Variants in BBS12 observed in about 807,000 individuals in gnomAD.
BBS12 encodes the protein chaperonin-containing T-complex member BBS12.
A neutral mutation model predicts 5.6 loss-of-function variants in BBS12; 5 were observed. The ratio of observed to expected loss-of-function variants is 0.89; its 90% confidence interval spans 0.46 to 1.86. The LOEUF (loss-of-function observed/expected upper bound fraction) is 1.86, where lower values mean the gene tolerates loss of function less well. BBS12 is among the 40% of genes most tolerant of loss of function. The pLI, the probability that BBS12 is intolerant of heterozygous loss-of-function variation, is 0.01. For missense variants in BBS12, 748 were observed against 830.4 expected (o/e 0.90, Z 1.22); for synonymous variants, 308 against 306.8 (o/e 1.00, Z -0.04).
At chr4:122,719,710 T>C in the BBS12 span, among the ~76,000 whole-genome samples, 66,306 of 152,004 alleles carry the variant, frequency 0.44, 16,082 homozygotes, top group East Asian at 0.65. Flanking sequence ...ACAGGATCTG[T>C]GAGAACAAAG....
At chr4:122,710,804 C>T in the BBS12 span, among the ~76,000 whole-genome samples, 3 of 151,780 alleles carry the variant, frequency 2.0e-5, no homozygotes, top group Non-Finnish European at 4.4e-5. Context: ...AAGGGGTTTT[C>T]CTCACCACTC....
chr4:122,704,459 A>G, the BBS12 span, among the ~76,000 whole-genome samples: 4 of 152,186 alleles, frequency 2.6e-5, no homozygotes, highest in Non-Finnish European at 4.4e-5. Flanking sequence ...ACTTCCTTGG[A>G]CCCTAGCTGG....
the BBS12 span, among the ~76,000 whole-genome samples, chr4:122,721,313 T>C: frequency 6.6e-6 from 1 of 152,316 alleles, no homozygotes; most frequent in South Asian, 2.1e-4. Flanking sequence ...GATTTGAATA[T>C]ATTTAGAAGT....
rs1800732215 is a variant in BBS12 at position 122,733,376 on chromosome 4, A to AACACGCACACAC, written c.-11+496_-11+497insGCACACACACAC. Among the ~76,000 whole-genome samples, 2 of 88,116 alleles carry AACACGCACACAC rather than the reference A, an allele frequency of 2.3e-5. 1 individual carries two copies. Among genetic ancestry groups the AACACGCACACAC allele is most frequent in the Non-Finnish European group, 4.4e-5 (2 of 45,768 alleles). 57.8% of individuals were successfully genotyped at this position (88,116 alleles called of 152,430 possible). On this transcript the variant is annotated intron_variant, in intron 1 of 1. Transcript: ENST00000314218. ...CTATCGGACCCCGCCCTCCAACCCCAACACACACACACACACACACACACA... is the reference window on the plus strand; with the variant it reads ...CTATCGGACCCCGCCCTCCAACCCCAACACGCACACACACACACACACACACACACACACACA...
chr4:122,715,991 G>A, the BBS12 span, among the ~76,000 whole-genome samples: 1 of 152,146 alleles, frequency 6.6e-6, no homozygotes, highest in South Asian at 2.1e-4. Flanking sequence ...ATTGGGGTTA[G>A]ACCAAATTCA....
At chr4:122,708,066 C>CA in the BBS12 span, among the ~76,000 whole-genome samples, 1 of 148,542 alleles carries the variant, frequency 6.7e-6, no homozygotes, top group Non-Finnish European at 1.5e-5. Flanking sequence ...GGCTGGAGTA[C>CA]AGCGGGGCAA....
At chr4:122,701,961 C>T in the BBS12 span, among the ~76,000 whole-genome samples, 108 of 152,222 alleles carry the variant, frequency 7.1e-4, no homozygotes, top group Non-Finnish European at 1.3e-3. Context: ...GCTTCCTGTC[C>T]GCTGAAAGGA....
chr4:122,711,649 T>C, the BBS12 span, among the ~76,000 whole-genome samples: 1 of 152,232 alleles, frequency 6.6e-6, no homozygotes, highest in African/African-American at 2.4e-5. Flanking sequence ...AATGCTGAAT[T>C]CTGGGACAGG....
chr4:122,732,189 G>A (rs1255532224), upstream of BBS12: 1 of 152,198 alleles, frequency 6.6e-6, no homozygotes, highest in Admixed American at 6.5e-5. Flanking sequence ...ATGGTAGTTA[G>A]ATGCCTGTAA....
the BBS12 span, among the ~76,000 whole-genome samples, chr4:122,702,915 T>C: frequency 1.3e-5 from 2 of 152,204 alleles, no homozygotes; most frequent in Non-Finnish European, 2.9e-5. Flanking sequence ...CAGGACTGAA[T>C]ATTATATAGG....
At chr4:122,740,065 C>T (rs1800842709) in intron 1 of BBS12, among the ~76,000 whole-genome samples, 2 of 151,988 alleles carry the variant, frequency 1.3e-5, no homozygotes, top group Admixed American at 1.3e-4. Flanking sequence ...GAGCCTGGTA[C>T]TTCAAGACCA....
intron 1 of BBS12, among the ~76,000 whole-genome samples, chr4:122,738,159 T>C (rs1253778981): frequency 1.3e-5 from 2 of 152,290 alleles, no homozygotes; most frequent in Admixed American, 6.5e-5. Context: ...AACAAAAAAA[T>C]AGGTAAATTA....
At chr4:122,718,770 T>C in the BBS12 span, among the ~76,000 whole-genome samples, 2 of 128,298 alleles carry the variant, frequency 1.6e-5, no homozygotes, top group Non-Finnish European at 3.4e-5. Context: ...AAAAAGGTCA[T>C]CCAAGCCCCA....
chr4:122,735,197 G>T (rs1800768121), intron 1 of BBS12, among the ~76,000 whole-genome samples: 1 of 152,182 alleles, frequency 6.6e-6, no homozygotes, highest in Admixed American at 6.5e-5. Flanking sequence ...GATAGGAAAT[G>T]AGGCATTTGC....
intron 1 of BBS12, among the ~76,000 whole-genome samples, chr4:122,736,960 G>A (rs1490649857): frequency 1.3e-5 from 2 of 152,112 alleles, no homozygotes; most frequent in Non-Finnish European, 2.9e-5. Context: ...GATTTGTCTT[G>A]AATATTGATT....
At chr4:122,702,703 C>G in the BBS12 span, among the ~76,000 whole-genome samples, 1 of 152,180 alleles carries the variant, frequency 6.6e-6, no homozygotes, top group African/African-American at 2.4e-5. Context: ...ATGTTAGCAC[C>G]TCCTCATCAG....
chr4:122,724,642 A>G, the BBS12 span, among the ~76,000 whole-genome samples: 1 of 152,174 alleles, frequency 6.6e-6, no homozygotes, highest in Admixed American at 6.5e-5. Context: ...TTGAGATGTA[A>G]GCACTCTATC....
chr4:122,729,767 G>A (rs1170655103), upstream of BBS12: 1 of 152,072 alleles, frequency 6.6e-6, no homozygotes, highest in Non-Finnish European at 1.5e-5. Flanking sequence ...CTAACACAGT[G>A]AAACTCCGTC....
the BBS12 span, among the ~76,000 whole-genome samples, chr4:122,705,345 G>A: frequency 6.6e-6 from 1 of 152,314 alleles, no homozygotes; most frequent in South Asian, 2.1e-4. Context: ...GGTGGCTCAT[G>A]CGTGTAATCC....
Sources: gnomAD v4.1 joint callset for allele counts (sites outside exome capture counted in the v4.1 genomes callset) on GRCh38, gnomAD v4.1.1 for gene constraint, MANE v1.5 for transcripts, NCBI Gene and HGNC (gene_info 2026-07-23, HGNC 2026-07-21) for gene names.